CHLSN: variants seen among roughly 807,000 people sequenced by gnomAD.
CHLSN encodes protein cholesin.
the CHLSN span, chr7:1,092,576 T>C: frequency 6.2e-7 from 1 of 1,610,934 alleles, no homozygotes; most frequent in Non-Finnish European, 8.5e-7. Context: ...AGCGTGCACC[T>C]CCTGCAGCGG....
the CHLSN span, among the ~76,000 whole-genome samples, chr7:1,070,237 A>G: frequency 7.5e-6 from 1 of 132,930 alleles, no homozygotes; most frequent in East Asian, 2.2e-4. Context: ...CCCGGCAGCC[A>G]CCCCGTCCGG....
At chr7:1,119,118 G>A in the CHLSN span, among the ~76,000 whole-genome samples, 2 of 152,110 alleles carry the variant, frequency 1.3e-5, no homozygotes, top group Admixed American at 6.5e-5. Flanking sequence ...CAGGCGTGGT[G>A]GCACACACCT....
chr7:1,050,299 C>G, the CHLSN span, among the ~76,000 whole-genome samples: 9 of 152,234 alleles, frequency 5.9e-5, no homozygotes, highest in African/African-American at 2.2e-4. Context: ...AGGTTTAGAT[C>G]AGGAACAGAA....
At chr7:984,488 C>A in the CHLSN span, 1 of 1,552,402 alleles carries the variant, frequency 6.4e-7, no homozygotes, top group Non-Finnish European at 8.7e-7. Context: ...GGGTTCGAGG[C>A]GGTCAAAGAG....
chr7:1,019,402 G>A, the CHLSN span, among the ~76,000 whole-genome samples: 2 of 152,148 alleles, frequency 1.3e-5, no homozygotes, highest in African/African-American at 4.8e-5. Context: ...GATCACCCAC[G>A]GTCAATGCTG....
chr7:1,019,866 A>C, the CHLSN span, among the ~76,000 whole-genome samples: 2 of 152,236 alleles, frequency 1.3e-5, no homozygotes, highest in African/African-American at 4.8e-5. Flanking sequence ...GGAAGTGGAC[A>C]GTTCCCACAG....
At chr7:1,137,632 C>A in the CHLSN span, 1 of 152,036 alleles carries the variant, frequency 6.6e-6, no homozygotes, top group African/African-American at 2.4e-5. Context: ...GGTGAGACCC[C>A]ATTTCTACAA....
chr7:1,031,146 T>G, the CHLSN span, among the ~76,000 whole-genome samples: 1 of 152,312 alleles, frequency 6.6e-6, no homozygotes, highest in East Asian at 1.9e-4. Context: ...GGCCCCCAGA[T>G]AGCTGGTGAA....
the CHLSN span, chr7:986,750 G>T: frequency 6.2e-7 from 1 of 1,606,266 alleles, no homozygotes; most frequent in African/African-American, 1.3e-5. Flanking sequence ...CGTGTGCCCG[G>T]GGGACCCCGT....
chr7:1,122,761 G>A, the CHLSN span, among the ~76,000 whole-genome samples: 338 of 152,298 alleles, frequency 2.2e-3, 1 homozygote, highest in African/African-American at 7.7e-3. Flanking sequence ...CCAGCTCCCC[G>A]GGGAGGGCTT....
the CHLSN span, among the ~76,000 whole-genome samples, chr7:1,136,291 T>TATAAAATATATATAA: frequency 8.5e-6 from 1 of 117,340 alleles, no homozygotes; most frequent in Admixed American, 1.0e-4. Context: ...TATATAAATA[T>TATAAAATATATATAA]ATATAAACAT....
chr7:988,321 G>C, the CHLSN span: 2 of 1,611,216 alleles, frequency 1.2e-6, no homozygotes, highest in Non-Finnish European at 1.7e-6. Flanking sequence ...TCCTGGATGA[G>C]ACACAGTGGC....
At chr7:1,041,534 G>T in the CHLSN span, among the ~76,000 whole-genome samples, 1 of 152,224 alleles carries the variant, frequency 6.6e-6, no homozygotes, top group Non-Finnish European at 1.5e-5. Flanking sequence ...ACTAACACAT[G>T]CACAGAGTGT....
At chr7:1,020,198 G>A in the CHLSN span, among the ~76,000 whole-genome samples, 5 of 152,140 alleles carry the variant, frequency 3.3e-5, no homozygotes, top group Non-Finnish European at 7.4e-5. Context: ...TTCTTCCCAC[G>A]CCGCGGAGTG....
the CHLSN span, among the ~76,000 whole-genome samples, chr7:995,088 C>A: frequency 1.1e-4 from 17 of 152,264 alleles, no homozygotes; most frequent in Non-Finnish European, 4.4e-5. Context: ...CCCGCACAAG[C>A]GCCAGCTGAG....
chr7:1,044,702 C>T, the CHLSN span: 1 of 152,180 alleles, frequency 6.6e-6, no homozygotes, highest in African/African-American at 2.4e-5. Flanking sequence ...TGGGGCACAC[C>T]CCAGTCTCCG....
the CHLSN span, among the ~76,000 whole-genome samples, chr7:1,116,438 A>G: frequency 7.8e-6 from 1 of 127,774 alleles, no homozygotes; most frequent in Non-Finnish European, 1.6e-5. Context: ...GGCTTCCATC[A>G]CCGACGTCCA....
chr7:999,992 C>T, the CHLSN span, among the ~76,000 whole-genome samples: 1 of 152,212 alleles, frequency 6.6e-6, no homozygotes, highest in African/African-American at 2.4e-5. Flanking sequence ...CGCGCACACA[C>T]GTGTAGACAC....
the CHLSN span, among the ~76,000 whole-genome samples, chr7:1,040,693 A>AC: frequency 4.4e-5 from 5 of 114,130 alleles, no homozygotes; most frequent in Admixed American, 2.5e-4. Flanking sequence ...AAAAGAACAA[A>AC]AAAAAAAAAA....
Sources: gnomAD v4.1 joint callset for allele counts (sites outside exome capture counted in the v4.1 genomes callset) on GRCh38, gnomAD v4.1.1 for gene constraint, MANE v1.5 for transcripts, NCBI Gene and HGNC (gene_info 2026-07-23, HGNC 2026-07-21) for gene names.